The following KIF6 variants were observed in gnomAD, a reference collection of about 807,000 sequenced individuals.
The protein encoded by KIF6 is kinesin-like protein KIF6.
KIF6 carries 106 observed loss-of-function variants against 112.7 expected under a neutral mutation model. The observed-to-expected ratio is 0.94, with a 90% confidence interval of 0.80 to 1.11. The LOEUF is 1.11. Among genes scored for constraint, KIF6 ranks in the 50% least tolerant of loss-of-function variants. KIF6 has a pLI of 0.00. For missense variants in KIF6, 929 were observed against 964.0 expected (o/e 0.96, Z 0.48); for synonymous variants, 339 against 339.9 (o/e 1.00, Z 0.03).
intron 13 of KIF6, among the ~76,000 whole-genome samples, chr6:39,438,194 G>A (rs564898969): frequency 6.2e-4 from 95 of 152,188 alleles, no homozygotes; most frequent in African/African-American, 2.1e-3. Flanking sequence ...GGCTGGTCTC[G>A]AACTCCTGAC....
At position 39,457,227 on chromosome 6, in the gene KIF6, C is replaced by T. The variant is rs1230494632; in HGVS notation, c.1646-26066G>A. Among the ~76,000 whole-genome samples, 9 of 151,744 alleles carry T rather than the reference C, an allele frequency of 5.9e-5. No individual in the cohort carries two copies. In the South Asian group the frequency reaches 1.0e-3, roughly 18 times the overall value. Reference sequence around the variant, plus strand: ...CAGAATTAATAATCTCACTCAAAGCCGCTCAACTACATGGAAACTGAACAA... The same window carrying T: ...CAGAATTAATAATCTCACTCAAAGCTGCTCAACTACATGGAAACTGAACAA... On this transcript the variant is annotated intron_variant, in intron 13 of 22. Coordinates refer to ENST00000287152, the MANE Select transcript of KIF6 (RefSeq NM_145027.6).
chr6:39,508,743 G>A (rs1049026737), intron 13 of KIF6, among the ~76,000 whole-genome samples: 1 of 152,182 alleles, frequency 6.6e-6, no homozygotes, highest in Non-Finnish European at 1.5e-5. Context: ...CAAACTGGGT[G>A]GAGCCCACCG....
Position 39,538,076 on chromosome 6 carries a change from T to C in KIF6, c.1645+1927A>G, listed in dbSNP as rs527989248. On this transcript the variant is annotated intron_variant, in intron 13 of 22. Transcript: ENST00000287152. The stretch of plus-strand genomic sequence containing the variant: ...TATACAAAAATTAATTCAAGATGGA[T>C]TAAAGACTTAAATGTTAGACCTAAA... 7.2e-5 allele frequency among the ~76,000 whole-genome samples: 11 copies of C among 152,246 alleles called. No homozygotes were observed. The South Asian group carries it at 2.3e-3, about 32-fold the overall frequency.
At chr6:39,455,470 C>T (rs559135602) in intron 13 of KIF6, among the ~76,000 whole-genome samples, 4 of 152,156 alleles carry the variant, frequency 2.6e-5, no homozygotes, top group African/African-American at 9.6e-5. Context: ...TGCCTCTCCT[C>T]CTCCAAAGGA....
At position 39,551,274 on chromosome 6, in the gene KIF6, C is replaced by T. The variant is rs148439113; in HGVS notation, c.1182-5586G>A. ...CAAATATCACATGTTGTCACTCACA[C>T]GTGGGAACTAAATAAAAAATTAACT... On this transcript the variant is annotated intron_variant, in intron 10 of 22. Transcript: ENST00000287152. Among the ~76,000 whole-genome samples the T allele has an allele frequency of 2.8e-3, 426 of 152,050 alleles. 4 individuals are homozygous for T. The highest frequency in any genetic ancestry group is 5.2e-3 in the Non-Finnish European group (355 of 67,976).
intron 13 of KIF6, among the ~76,000 whole-genome samples, chr6:39,481,263 G>A (rs563480076): frequency 5.9e-5 from 9 of 151,826 alleles, no homozygotes; most frequent in Non-Finnish European, 1.0e-4. Flanking sequence ...TGTGTAGAGT[G>A]TCAGGTGGTA....
chr6:39,546,867 A>AT (rs1779096169), intron 10 of KIF6, among the ~76,000 whole-genome samples: 1 of 151,246 alleles, frequency 6.6e-6, no homozygotes, highest in Non-Finnish European at 1.5e-5. Flanking sequence ...TCATAGCACC[A>AT]CGTGCCAATG....
At chr6:39,438,938 G>T (rs1031442003) in intron 13 of KIF6, among the ~76,000 whole-genome samples, 1 of 152,138 alleles carries the variant, frequency 6.6e-6, no homozygotes, top group African/African-American at 2.4e-5. Context: ...GCTTACCATT[G>T]TGTTACAATT....
chr6:39,608,567 G>C (rs568004883), intron 6 of KIF6, among the ~76,000 whole-genome samples: 1 of 152,270 alleles, frequency 6.6e-6, no homozygotes, highest in South Asian at 2.1e-4. Flanking sequence ...GGGAGTGTCT[G>C]TATGTCTTTT....
At chr6:39,661,926 C>T (rs996576486) in intron 3 of KIF6, among the ~76,000 whole-genome samples, 4 of 152,146 alleles carry the variant, frequency 2.6e-5, no homozygotes, top group Non-Finnish European at 5.9e-5. Context: ...ACCTGGTATA[C>T]TCAGCCATCC....
Position 39,561,073 on chromosome 6 carries a change from A to G in KIF6, c.1182-15385T>C, listed in dbSNP as rs1403986496. ...TATGCAGATAATCTGCCTTTGCAAT[A>G]TAAGCAAGGATCAGCATCAAACCAG... On this transcript the variant is annotated intron_variant, in intron 10 of 22. Coordinates refer to ENST00000287152, the MANE Select transcript of KIF6 (RefSeq NM_145027.6). 1.2e-4 allele frequency among the ~76,000 whole-genome samples: 18 copies of G among 152,250 alleles called. 1 individual carries two copies. Among genetic ancestry groups the G allele is most frequent in the Admixed American group, 1.2e-3 (18 of 15,288 alleles).
At chr6:39,372,269 G>C (rs539981103) in intron 16 of KIF6, among the ~76,000 whole-genome samples, 2 of 152,238 alleles carry the variant, frequency 1.3e-5, no homozygotes, top group South Asian at 4.2e-4. Flanking sequence ...GAGACGGTGG[G>C]AGAACAACAA....
chr6:39,399,157 A>ATC (rs1327835126), intron 15 of KIF6, among the ~76,000 whole-genome samples: 7 of 151,932 alleles, frequency 4.6e-5, no homozygotes, highest in African/African-American at 1.7e-4. Context: ...CTCAAAATAA[A>ATC]TCTCTCTCTC....
intron 3 of KIF6, among the ~76,000 whole-genome samples, chr6:39,669,893 C>T (rs960907311): frequency 1.3e-5 from 2 of 152,220 alleles, no homozygotes; most frequent in African/African-American, 4.8e-5. Flanking sequence ...TGATGGCAAA[C>T]CACATGTTGC....
intron 5 of KIF6, among the ~76,000 whole-genome samples, chr6:39,616,742 CT>C (rs1311090581): frequency 6.6e-6 from 1 of 152,184 alleles, no homozygotes; most frequent in Non-Finnish European, 1.5e-5. Context: ...CATGCCTTTG[CT>C]CATAGAAGCC....
chr6:39,366,996 A>G (rs980450292), intron 16 of KIF6, among the ~76,000 whole-genome samples: 1 of 152,048 alleles, frequency 6.6e-6, no homozygotes, highest in Non-Finnish European at 1.5e-5. Flanking sequence ...GGGTCTGGGA[A>G]AGAAAGCTGG....
chr6:39,493,596 A>C (rs1775605871), intron 13 of KIF6, among the ~76,000 whole-genome samples: 2 of 152,120 alleles, frequency 1.3e-5, no homozygotes, highest in South Asian at 4.1e-4. Flanking sequence ...AGGTGTTAAA[A>C]CTATTGCCCT....
intron 6 of KIF6, among the ~76,000 whole-genome samples, chr6:39,611,693 T>C (rs1783223912): frequency 6.6e-6 from 1 of 152,238 alleles, no homozygotes; most frequent in Non-Finnish European, 1.5e-5. Flanking sequence ...TAAGCATTGG[T>C]GGACAGGACC....
At chr6:39,567,646 C>T (rs996834424) in intron 10 of KIF6, among the ~76,000 whole-genome samples, 5 of 149,278 alleles carry the variant, frequency 3.3e-5, no homozygotes, top group Admixed American at 6.7e-5. Flanking sequence ...CTCGCTCTGT[C>T]GCCCAGGCTG....
Sources: allele counts gnomAD v4.1 joint callset (sites outside exome capture counted in the v4.1 genomes callset), GRCh38; gene constraint gnomAD v4.1.1; transcripts MANE v1.5; gene names NCBI Gene and HGNC (gene_info 2026-07-23, HGNC 2026-07-21).